Variants in RANBP2 observed in about 807,000 individuals in gnomAD.
The protein encoded by RANBP2 is RAN binding protein 2, also known as E3 SUMO-protein ligase RanBP2.
Under a neutral mutation model 303.6 loss-of-function variants are expected in RANBP2, and 57 were observed. The ratio of observed to expected loss-of-function variants is 0.19; its 90% CI spans 0.15 to 0.23. RANBP2 has a LOEUF of 0.23. Among genes scored for constraint, RANBP2 ranks in the 10% least tolerant of loss-of-function variants. The pLI is 1.00. For synonymous variants in RANBP2, 1,167 were observed against 1,301.5 expected (o/e 0.90, Z 2.23); for missense variants, 3,138 against 3,780.8 (o/e 0.83, Z 4.46).
At chr2:109,725,018 A>G in the RANBP2 span, among the ~76,000 whole-genome samples, 3 of 152,258 alleles carry the variant, frequency 2.0e-5, no homozygotes, top group African/African-American at 7.2e-5. Context: ...GGCTGCTGGC[A>G]CCTTGGTGGC....
chr2:108,930,253 A>AG, the RANBP2 span: 1 of 1,613,974 alleles, frequency 6.2e-7, no homozygotes, highest in South Asian at 1.1e-5. Flanking sequence ...CTGCCAACAA[A>AG]GGGGGGTGTT....
the RANBP2 span, among the ~76,000 whole-genome samples, chr2:109,267,771 C>T: frequency 6.6e-6 from 1 of 152,260 alleles, no homozygotes; most frequent in Non-Finnish European, 1.5e-5. Flanking sequence ...AGTTCTGCGT[C>T]TGTCCCTGGA....
At chr2:109,338,778 G>A in the RANBP2 span, among the ~76,000 whole-genome samples, 2 of 152,056 alleles carry the variant, frequency 1.3e-5, no homozygotes, top group East Asian at 1.9e-4. Flanking sequence ...GGCTGGTCTC[G>A]AACTCTTGAC....
the RANBP2 span, among the ~76,000 whole-genome samples, chr2:109,554,413 C>A: frequency 6.6e-6 from 1 of 152,170 alleles, no homozygotes; most frequent in Non-Finnish European, 1.5e-5. Flanking sequence ...ATTCTCCAAC[C>A]TGCTTACTCC....
chr2:109,526,450 T>C, the RANBP2 span, among the ~76,000 whole-genome samples: 1 of 152,210 alleles, frequency 6.6e-6, no homozygotes, highest in African/African-American at 2.4e-5. Context: ...TAGCTGGGAC[T>C]ACAGGCATGT....
the RANBP2 span, among the ~76,000 whole-genome samples, chr2:109,337,131 T>C: frequency 1.3e-5 from 2 of 152,272 alleles, no homozygotes; most frequent in Non-Finnish European, 2.9e-5. Context: ...TTATGTATCT[T>C]AAATGCCTTT....
chr2:109,082,016 G>T, the RANBP2 span, among the ~76,000 whole-genome samples: 1 of 152,232 alleles, frequency 6.6e-6, no homozygotes. Flanking sequence ...GTGGACTCCA[G>T]CATCTGTCAA....
chr2:109,680,514 A>G, the RANBP2 span, among the ~76,000 whole-genome samples: 1 of 152,230 alleles, frequency 6.6e-6, no homozygotes, highest in Admixed American at 6.5e-5. Flanking sequence ...CTCATGTGTA[A>G]AGTGAAAGTA....
At chr2:109,136,082 C>T in the RANBP2 span, among the ~76,000 whole-genome samples, 2 of 152,158 alleles carry the variant, frequency 1.3e-5, no homozygotes, top group South Asian at 4.1e-4. Context: ...TTGTTTCTTC[C>T]TCCTGGCTTT....
At chr2:109,471,381 G>A in the RANBP2 span, among the ~76,000 whole-genome samples, 2 of 152,154 alleles carry the variant, frequency 1.3e-5, no homozygotes, top group African/African-American at 4.8e-5. Flanking sequence ...GGAGAGAGAA[G>A]AGAAAGTGAA....
At chr2:109,216,859 T>G in the RANBP2 span, among the ~76,000 whole-genome samples, 1 of 152,186 alleles carries the variant, frequency 6.6e-6, no homozygotes, top group Non-Finnish European at 1.5e-5. Flanking sequence ...ACATTCTCAT[T>G]GTTGTGAAAC....
At chr2:108,791,672 A>C in the RANBP2 span, 2 of 1,602,320 alleles carry the variant, frequency 1.2e-6, no homozygotes, top group South Asian at 2.3e-5. Flanking sequence ...TATTTTTTTA[A>C]AGCCTAGATG....
the RANBP2 span, among the ~76,000 whole-genome samples, chr2:109,531,623 A>C: frequency 6.6e-6 from 1 of 152,202 alleles, no homozygotes; most frequent in African/African-American, 2.4e-5. Flanking sequence ...TCATCAAAGG[A>C]CCTTAGGTTT....
chr2:109,649,429 A>G, the RANBP2 span, among the ~76,000 whole-genome samples: 1 of 151,492 alleles, frequency 6.6e-6, no homozygotes, highest in East Asian at 1.9e-4. Context: ...ACAGAGTCTC[A>G]CTCTGTCGCC....
chr2:109,354,569 G>T, the RANBP2 span, among the ~76,000 whole-genome samples: 2,368 of 152,318 alleles, frequency 0.016, 27 homozygotes, highest in Middle Eastern at 0.024. Flanking sequence ...GCTCTCCAAG[G>T]TTTTCAGTGA....
the RANBP2 span, among the ~76,000 whole-genome samples, chr2:108,862,226 G>A: frequency 1.1e-4 from 16 of 151,886 alleles, no homozygotes; most frequent in Non-Finnish European, 1.5e-5. Context: ...AAAAGTTGCT[G>A]CAGAAGAAAT....
At chr2:108,729,552 A>G (rs1206606896) in intron 2 of RANBP2, among the ~76,000 whole-genome samples, 3 of 152,228 alleles carry the variant, frequency 2.0e-5, no homozygotes, top group Non-Finnish European at 4.4e-5. Flanking sequence ...AGCAATGAAT[A>G]AAAAATTAAA....
At chr2:109,221,539 G>A in the RANBP2 span, among the ~76,000 whole-genome samples, 13 of 145,168 alleles carry the variant, frequency 9.0e-5, no homozygotes, top group Non-Finnish European at 1.3e-4. Flanking sequence ...CCGCGATCGC[G>A]CCAGTGCACT....
chr2:108,942,340 T>G, the RANBP2 span, among the ~76,000 whole-genome samples: 1,559 of 152,256 alleles, frequency 0.01, 23 homozygotes, highest in African/African-American at 0.035. Flanking sequence ...TACACAGCTT[T>G]GGGAACAGAG....
Sources: gnomAD v4.1 joint callset for allele counts (sites outside exome capture counted in the v4.1 genomes callset) on GRCh38, gnomAD v4.1.1 for gene constraint, MANE v1.5 for transcripts, NCBI Gene and HGNC (gene_info 2026-07-23, HGNC 2026-07-21) for gene names.